The following OSBPL9 variants were observed in gnomAD, a reference collection of about 807,000 sequenced individuals.
The protein encoded by OSBPL9 is oxysterol binding protein like 9, also known as oxysterol-binding protein-related protein 9.
OSBPL9 carries 40 observed loss-of-function variants against 106.6 expected under a neutral mutation model. The ratio of observed to expected loss-of-function variants is 0.38; its 90% CI spans 0.29 to 0.49. The LOEUF (loss-of-function observed/expected upper bound fraction) is 0.49. Among genes scored for constraint, OSBPL9 ranks in the 20% least tolerant of loss-of-function variants. The pLI is 0.97. For missense variants in OSBPL9, 609 were observed against 887.2 expected, an observed-to-expected ratio of 0.69 and a Z score of 3.98; for synonymous variants, 269 against 295.4, an observed-to-expected ratio of 0.91 and a Z score of 0.92.
At chr1:51,676,747 T>C (rs1021059382) in intron 3 of OSBPL9, among the ~76,000 whole-genome samples, 2 of 151,960 alleles carry the variant, frequency 1.3e-5, no homozygotes, top group Non-Finnish European at 2.9e-5. Context: ...GTTCAAACCA[T>C]TCCACAATGT....
At chr1:51,540,738 C>T in the OSBPL9 span, among the ~76,000 whole-genome samples, 2 of 151,472 alleles carry the variant, frequency 1.3e-5, no homozygotes, top group African/African-American at 4.9e-5. Flanking sequence ...GTGGGCAAAT[C>T]ACTTGAGGTC....
chr1:51,676,504 G>A (rs975778095), intron 3 of OSBPL9, among the ~76,000 whole-genome samples: 28 of 151,500 alleles, frequency 1.8e-4, no homozygotes, highest in Non-Finnish European at 1.5e-4. Flanking sequence ...AAAATTTGAC[G>A]CTAATTAGCC....
At chr1:51,570,623 C>A in the OSBPL9 span, among the ~76,000 whole-genome samples, 1 of 152,194 alleles carries the variant, frequency 6.6e-6, no homozygotes, top group Non-Finnish European at 1.5e-5. Flanking sequence ...AGTGGTCTTT[C>A]TATTATTCCA....
intron 4 of OSBPL9, among the ~76,000 whole-genome samples, chr1:51,727,552 T>G (rs966993228): frequency 2.0e-5 from 3 of 152,330 alleles, no homozygotes; most frequent in East Asian, 1.9e-4. Context: ...TTCATGGGAT[T>G]GACTGTAGAG....
intron 12 of OSBPL9, among the ~76,000 whole-genome samples, chr1:51,768,231 G>A (rs373262622): frequency 1.2e-4 from 18 of 150,348 alleles, no homozygotes; most frequent in African/African-American, 4.2e-4. Flanking sequence ...ATGAGCCACC[G>A]CGCCCAGCCT....
the OSBPL9 span, among the ~76,000 whole-genome samples, chr1:51,538,947 C>T: frequency 6.6e-6 from 1 of 152,202 alleles, no homozygotes; most frequent in Non-Finnish European, 1.5e-5. Flanking sequence ...TCTGTCCTCA[C>T]TCTCTTTGTC....
chr1:51,694,545 A>G (rs1002038172), intron 3 of OSBPL9, among the ~76,000 whole-genome samples: 2 of 152,238 alleles, frequency 1.3e-5, no homozygotes, highest in African/African-American at 4.8e-5. Context: ...TGAAATCTGA[A>G]ATTGTATTAA....
chr1:51,534,363 C>G, the OSBPL9 span, among the ~76,000 whole-genome samples: 1 of 152,088 alleles, frequency 6.6e-6, no homozygotes, highest in African/African-American at 2.4e-5. Context: ...AGATCATCTC[C>G]CCTCTATGGC....
At chr1:51,644,530 G>A (rs2148683852) in intron 1 of OSBPL9, among the ~76,000 whole-genome samples, 1 of 152,190 alleles carries the variant, frequency 6.6e-6, no homozygotes, top group Non-Finnish European at 1.5e-5. Flanking sequence ...GTTTCACCAT[G>A]TTGGCCAGGC....
chr1:51,702,151 G>A (rs1657421475), intron 3 of OSBPL9, among the ~76,000 whole-genome samples: 1 of 152,196 alleles, frequency 6.6e-6, no homozygotes, highest in South Asian at 2.1e-4. Context: ...ATAATCCTTA[G>A]GGTATATACC....
intron 3 of OSBPL9, among the ~76,000 whole-genome samples, chr1:51,679,174 AC>A (rs371186687): frequency 7.9e-5 from 12 of 152,290 alleles, no homozygotes; most frequent in African/African-American, 1.9e-4. Flanking sequence ...TCACTGATGT[AC>A]TTTTCTTCTT....
chr1:51,666,292 C>T (rs1357367154), intron 2 of OSBPL9, among the ~76,000 whole-genome samples: 3 of 152,088 alleles, frequency 2.0e-5, no homozygotes, highest in Non-Finnish European at 4.4e-5. Flanking sequence ...TCAAAAAGCT[C>T]CTCTCTGAAA....
intron 3 of OSBPL9, among the ~76,000 whole-genome samples, chr1:51,679,931 T>C (rs1038435277): frequency 8.5e-5 from 13 of 152,200 alleles, no homozygotes; most frequent in African/African-American, 1.2e-4. Flanking sequence ...GGAAAAAATA[T>C]ATAGTATATA....
At chr1:51,631,152 T>C (rs1304628001) in intron 1 of OSBPL9, among the ~76,000 whole-genome samples, 2 of 152,182 alleles carry the variant, frequency 1.3e-5, no homozygotes, top group Non-Finnish European at 2.9e-5. Flanking sequence ...CCTCTTGTGC[T>C]GAGTTGCTTC....
the OSBPL9 span, among the ~76,000 whole-genome samples, chr1:51,562,361 C>T: frequency 6.6e-6 from 1 of 152,174 alleles, no homozygotes; most frequent in Admixed American, 6.5e-5. Context: ...CCATCACTTT[C>T]CGCCATCACA....
intron 4 of OSBPL9, among the ~76,000 whole-genome samples, chr1:51,726,639 A>G (rs1433305303): frequency 4.6e-5 from 7 of 152,140 alleles, no homozygotes. Flanking sequence ...ATAGTAATTT[A>G]ATCACCTAAT....
At chr1:51,782,688 C>G (rs749527361) in intron 17 of OSBPL9, 45 bp downstream of exon 17, 2 of 1,571,900 alleles carry the variant, frequency 1.3e-6, no homozygotes, top group African/African-American at 2.7e-5. Flanking sequence ...CAAAACTATT[C>G]TGTCTAAAGA....
At chr1:51,626,628 A>C (rs1182263476) in intron 1 of OSBPL9, among the ~76,000 whole-genome samples, 5 of 151,862 alleles carry the variant, frequency 3.3e-5, no homozygotes, top group Non-Finnish European at 7.4e-5. Flanking sequence ...CTCCTGCCTC[A>C]GTCTTCTGAG....
intron 21 of OSBPL9, 165 bp from the exon 22 acceptor site, chr1:51,786,361 C>T (rs764078390): frequency 1.7e-6 from 1 of 577,448 alleles, no homozygotes; most frequent in South Asian, 2.1e-5. Flanking sequence ...CTACTGCCCA[C>T]TCAGTGTTCT....
Sources: allele counts gnomAD v4.1 joint callset (sites outside exome capture counted in the v4.1 genomes callset), GRCh38; gene constraint gnomAD v4.1.1; transcripts MANE v1.5; gene names NCBI Gene and HGNC (gene_info 2026-07-23, HGNC 2026-07-21).